Variants in MS4A4E observed in about 807,000 individuals in gnomAD.
The protein encoded by MS4A4E is membrane spanning 4-domains A4E, also known as putative membrane-spanning 4-domains subfamily A member 4E.
MS4A4E carries 23 observed loss-of-function variants against 13.3 expected under a neutral mutation model. That is an observed-to-expected ratio of 1.73 (90% confidence interval 1.25 to 2.45). The LOEUF (loss-of-function observed/expected upper bound fraction) is 2.45. MS4A4E is among the 30% of genes most tolerant of loss of function. The pLI is 0.00. For synonymous variants in MS4A4E, 36 were observed against 45.6 expected (o/e 0.79, Z 0.85); for missense variants, 144 against 131.2 (o/e 1.10, Z -0.48).
chr11:60,207,960 A>C (rs1009702932), intron 6 of MS4A4E, among the ~76,000 whole-genome samples: 1 of 152,224 alleles, frequency 6.6e-6, no homozygotes, highest in African/African-American at 2.4e-5. Flanking sequence ...ATAGGATAAT[A>C]GAATAAAACC....
intron 3 of MS4A4E, chr11:60,225,122 A>G: frequency 6.7e-7 from 1 of 1,485,874 alleles, no homozygotes; most frequent in South Asian, 1.3e-5. Flanking sequence ...AAAACTGATT[A>G]TCCACCACAA....
At chr11:60,239,669 G>A (rs961667425) in intron 1 of MS4A4E, among the ~76,000 whole-genome samples, 3 of 152,116 alleles carry the variant, frequency 2.0e-5, no homozygotes, top group Non-Finnish European at 2.9e-5. Context: ...ATGTAGAGGT[G>A]GGCCAAGAGG....
In MS4A4E at chr11:60,230,034, C is replaced by A; in HGVS notation, c.22G>T (p.Glu8Ter). 1 of 1,601,404 alleles carries A rather than the reference C, an allele frequency of 6.2e-7. No homozygotes were observed. Among genetic ancestry groups the A allele is most frequent in the East Asian group, 2.3e-5 (1 of 43,976 alleles). The stretch of plus-strand genomic sequence containing the variant: ...GGGCCAGCCCCTGGAGTGGTCTGTT[C>A]CATTCCTTGCATGGTTGTCATGGCA... MTTMQGM[E>*]QTTPGAGPDV... The change falls in exon 2 of 9, where the codon GAA becomes TAA. Residue 8 changes from glutamate to a stop codon, truncating the protein, a stop_gained. Coordinates refer to ENST00000651255, the MANE Select transcript of MS4A4E (RefSeq NM_001393391.1). LOFTEE classifies it high-confidence loss of function.
chr11:60,238,838 G>A (rs56991152), intron 1 of MS4A4E, among the ~76,000 whole-genome samples: 2,054 of 152,294 alleles, frequency 0.013, 51 homozygotes, highest in African/African-American at 0.046. Flanking sequence ...ATACCAAAGA[G>A]CTAATCCTAC....
chr11:60,218,270 G>A (rs1467379427), intron 3 of MS4A4E, among the ~76,000 whole-genome samples: 1 of 152,158 alleles, frequency 6.6e-6, no homozygotes, highest in Non-Finnish European at 1.5e-5. Flanking sequence ...TGACCATGGT[G>A]CCTCAAACTT....
intron 3 of MS4A4E, among the ~76,000 whole-genome samples, chr11:60,223,016 C>G (rs1214719823): frequency 6.6e-6 from 1 of 151,972 alleles, no homozygotes; most frequent in Non-Finnish European, 1.5e-5. Flanking sequence ...CCAGACTAGG[C>G]CTTCTGGAAT....
chr11:60,206,512 T>TATGTATATATATATAC (rs141037502), intron 6 of MS4A4E, among the ~76,000 whole-genome samples: 39,772 of 98,276 alleles, frequency 0.4, 9,826 homozygotes, highest in South Asian at 0.61. Context: ...TATATATATA[T>TATGTATATATATATAC]ACACACACAC....
intron 3 of MS4A4E, among the ~76,000 whole-genome samples, chr11:60,227,326 C>T (rs958440650): frequency 2.4e-4 from 37 of 151,988 alleles, no homozygotes; most frequent in African/African-American, 7.5e-4. Context: ...CCGAAGCGGG[C>T]GGATCACGAG....
intron 4 of MS4A4E, among the ~76,000 whole-genome samples, chr11:60,213,516 C>A (rs908961516): frequency 6.6e-6 from 1 of 152,068 alleles, no homozygotes; most frequent in Non-Finnish European, 1.5e-5. Context: ...TTATTTTTCT[C>A]GGTTGTGTAT....
At chr11:60,223,039 C>T (rs1381882905) in intron 3 of MS4A4E, among the ~76,000 whole-genome samples, 1 of 151,624 alleles carries the variant, frequency 6.6e-6, no homozygotes, top group Non-Finnish European at 1.5e-5. Flanking sequence ...AGGTTTTGGT[C>T]ACTCCACCAG....
At chr11:60,225,522 C>T (rs77270189) in intron 3 of MS4A4E, among the ~76,000 whole-genome samples, 3,086 of 152,180 alleles carry the variant, frequency 0.02, 101 homozygotes, top group African/African-American at 0.07. Context: ...GTTTTCTTGA[C>T]GTCTGGGCCT....
intron 1 of MS4A4E, among the ~76,000 whole-genome samples, chr11:60,237,640 T>A (rs896401598): frequency 6.6e-6 from 1 of 152,200 alleles, no homozygotes; most frequent in South Asian, 2.1e-4. Context: ...TTGTTAATAG[T>A]CATTCTGATT....
rs1489774831 is a variant in MS4A4E at position 60,200,951 on chromosome 11, G to A, written c.*592C>T. Among the ~76,000 whole-genome samples, 7 of 147,790 alleles carry A rather than the reference G, an allele frequency of 4.7e-5. No homozygotes were observed. The highest frequency in any genetic ancestry group is 2.1e-4 in the East Asian group (1 of 4,838). The stretch of plus-strand genomic sequence containing the variant: ...CCTCCACCTCCCTCCCGGACGGGGC[G>A]GCTGGCCGGGTGGGGGGCTGAACCC... On this transcript the variant is annotated 3_prime_UTR_variant, in exon 9 of 9. Coordinates refer to ENST00000651255, the MANE Select transcript of MS4A4E (RefSeq NM_001393391.1).
At chr11:60,242,887 G>C (rs2084568198) in intron 1 of MS4A4E, 71 bp downstream of exon 1, 3 of 1,219,918 alleles carry the variant, frequency 2.5e-6, no homozygotes, top group Admixed American at 4.9e-5. Flanking sequence ...TCCACTCCCA[G>C]AAATCCTAAA....
Position 60,213,122 on chromosome 11 carries a change from C to T in MS4A4E, c.233G>A (p.Ser78Asn). ...IRTTKGLVGG[S>N]LGKNITSSVL... is the part of the protein sequence containing the mutation. ...TGAACTGGTGATATTCTTTCCTAGA[C>T]TACCTCCAACCTAGAAAGAAATGAA... The change falls in exon 5 of 9, where the codon AGT (serine) becomes AAT (asparagine). Residue 78 changes from serine (S) to asparagine (N), a missense_variant. By Grantham distance (46) the Ser-to-Asn change is conservative. This residue lies in a region of MS4A4E where 119 missense variants were observed against 88.7 expected (regional missense o/e 1.34). Coordinates refer to ENST00000651255, the MANE Select transcript of MS4A4E (RefSeq NM_001393391.1). 1 of 647,942 alleles carries T rather than the reference C, an allele frequency of 1.5e-6. No individual in the cohort carries two copies. The highest frequency in any genetic ancestry group is 2.6e-6 in the Non-Finnish European group (1 of 385,474). 40.1% of individuals were successfully genotyped at this position (647,942 alleles called of 1,614,324 possible).
intron 1 of MS4A4E, among the ~76,000 whole-genome samples, chr11:60,232,321 A>ACACACACACACACACACACACACACACAC (rs556719466): frequency 6.8e-6 from 1 of 147,324 alleles, no homozygotes; most frequent in Non-Finnish European, 1.5e-5. Context: ...ACACACACAC[A>ACACACACACACACACACACACACACACAC]CCAAAAATGA....
intron 3 of MS4A4E, among the ~76,000 whole-genome samples, chr11:60,217,228 A>T (rs999317346): frequency 3.9e-5 from 6 of 152,182 alleles, no homozygotes; most frequent in Non-Finnish European, 8.8e-5. Flanking sequence ...GGACACTCAG[A>T]CACAAGCTTT....
chr11:60,234,221 C>A lies in MS4A4E; in HGVS notation c.-16-4150G>T, dbSNP rs2084451555. Among the ~76,000 whole-genome samples the A allele has an allele frequency of 2.0e-5, 3 of 152,302 alleles. No individual in the cohort carries two copies. The South Asian group carries it at 6.2e-4, about 32-fold the overall frequency. ...CCTTGAATCTCATCCATATCTGCTT[C>A]TGATGACTCTGGACTTAGAACTTTA... On this transcript the variant is annotated intron_variant, in intron 1 of 8. Transcript: ENST00000651255.
chr11:60,242,371 G>T (rs2084562355), intron 1 of MS4A4E, among the ~76,000 whole-genome samples: 1 of 152,122 alleles, frequency 6.6e-6, no homozygotes, highest in South Asian at 2.1e-4. Context: ...TTCATTTGCA[G>T]ATTTTATCAT....
Sources: gnomAD v4.1 joint callset for allele counts (sites outside exome capture counted in the v4.1 genomes callset) on GRCh38, gnomAD v4.1.1 for gene constraint, gnomAD v4.1.1 regional missense constraint, MANE v1.5 for transcripts, NCBI Gene and HGNC (gene_info 2026-07-23, HGNC 2026-07-21) for gene names.